Variants in EXOC4 observed in about 807,000 individuals in gnomAD.
EXOC4 encodes the protein SEC8-like 1.
In EXOC4, 71 loss-of-function variants were observed where a neutral mutation model predicts 107.2. That is an observed-to-expected ratio of 0.66 (90% CI 0.55 to 0.81). The LOEUF (loss-of-function observed/expected upper bound fraction) is 0.81, where lower values mean the gene tolerates loss of function less well. Ranked by LOEUF, EXOC4 falls within the 30% of genes least tolerant of loss-of-function variation. The pLI is 0.00. For synonymous variants in EXOC4, 456 were observed against 441.2 expected, an observed-to-expected ratio of 1.03 and a Z score of -0.42; for missense variants, 1,108 against 1,189.6, an observed-to-expected ratio of 0.93 and a Z score of 1.01.
intron 14 of EXOC4, among the ~76,000 whole-genome samples, chr7:133,980,607 T>G (rs1793958437): frequency 6.6e-6 from 1 of 152,246 alleles, no homozygotes; most frequent in Non-Finnish European, 1.5e-5. Context: ...TGGTTCTTAG[T>G]TAATAGGAGA....
At chr7:133,349,467 A>G (rs999630420) in intron 5 of EXOC4, among the ~76,000 whole-genome samples, 3 of 152,174 alleles carry the variant, frequency 2.0e-5, no homozygotes, top group Non-Finnish European at 2.9e-5. Flanking sequence ...AGGTTCATCC[A>G]TGTTGTAGCA....
Position 133,485,029 on chromosome 7 carries a change from G to A in EXOC4, c.1417+4891G>A, listed in dbSNP as rs150580473. On this transcript the variant is annotated intron_variant, in intron 9 of 17. Transcript: ENST00000253861. ...TGGAAGGTGGAGGTTGCAGTGAGCC[G>A]AGATCGCGCCACTGTACTCCAACCT... Among the ~76,000 whole-genome samples the A allele has an allele frequency of 2.8e-3, 404 of 143,608 alleles. 1 individual carries two copies. Among genetic ancestry groups the A allele is most frequent in the Middle Eastern group, 0.015 (4 of 270 alleles). 94.2% of individuals were successfully genotyped at this position (143,608 alleles called of 152,430 possible).
chr7:133,493,304 G>A (rs965203382), intron 9 of EXOC4, among the ~76,000 whole-genome samples: 1 of 152,100 alleles, frequency 6.6e-6, no homozygotes, highest in Admixed American at 6.6e-5. Flanking sequence ...GGACATGGTG[G>A]CACACGCCTC....
chr7:134,046,780 T>C (rs1795664388), intron 17 of EXOC4, among the ~76,000 whole-genome samples: 2 of 152,106 alleles, frequency 1.3e-5, no homozygotes. Context: ...CTCCTCGCTT[T>C]TGTCCCCAGC....
intron 9 of EXOC4, among the ~76,000 whole-genome samples, chr7:133,590,594 AAGCAACCATATGTCGGGGAGAAGC>A (rs1801518501): frequency 6.6e-6 from 1 of 152,134 alleles, no homozygotes; most frequent in Non-Finnish European, 1.5e-5. Flanking sequence ...AGAAGAGAAG[AAGCAACCATATGTCGGGGAGAAGC>A]AGCTTGACTT....
intron 10 of EXOC4, among the ~76,000 whole-genome samples, chr7:133,698,840 AT>A (rs1208115768): frequency 2.6e-5 from 4 of 152,178 alleles, no homozygotes; most frequent in African/African-American, 9.6e-5. Flanking sequence ...TTATTTGTGT[AT>A]GATGTGTGTC....
intron 11 of EXOC4, among the ~76,000 whole-genome samples, chr7:133,825,670 T>A (rs916473872): frequency 6.6e-6 from 1 of 152,206 alleles, no homozygotes; most frequent in Non-Finnish European, 1.5e-5. Context: ...CACATTATGT[T>A]CATATGAAGA....
intron 14 of EXOC4, among the ~76,000 whole-genome samples, chr7:133,943,274 T>C (rs1415862762): frequency 1.3e-5 from 2 of 152,182 alleles, no homozygotes; most frequent in Admixed American, 6.5e-5. Context: ...TATCAAAACA[T>C]GGTGAACTAC....
intron 17 of EXOC4, among the ~76,000 whole-genome samples, chr7:134,018,098 ATAGT>A (rs1310848766): frequency 1.3e-5 from 2 of 152,148 alleles, no homozygotes; most frequent in Non-Finnish European, 2.9e-5. Flanking sequence ...TGTATTCATC[ATAGT>A]TAGTTAATTA....
intron 7 of EXOC4, among the ~76,000 whole-genome samples, chr7:133,465,607 A>G (rs1264632652): frequency 6.6e-6 from 1 of 152,236 alleles, no homozygotes; most frequent in Non-Finnish European, 1.5e-5. Context: ...AAGGTCATAT[A>G]GAATATTCTC....
intron 10 of EXOC4, among the ~76,000 whole-genome samples, chr7:133,741,036 T>C (rs548211028): frequency 1.3e-5 from 2 of 152,350 alleles, no homozygotes; most frequent in South Asian, 4.1e-4. Flanking sequence ...GGGTAAATAC[T>C]GGAGCTAGAA....
intron 17 of EXOC4, among the ~76,000 whole-genome samples, chr7:134,031,414 T>C (rs1795268623): frequency 6.6e-6 from 1 of 152,106 alleles, no homozygotes; most frequent in Non-Finnish European, 1.5e-5. Flanking sequence ...TTTTTATGGG[T>C]TATGGAAAGA....
At chr7:133,781,865 A>C (rs533774579) in intron 10 of EXOC4, among the ~76,000 whole-genome samples, 8 of 152,228 alleles carry the variant, frequency 5.3e-5, no homozygotes, top group African/African-American at 7.2e-5. Context: ...CCAGCTGTGA[A>C]ACACAAATAA....
At chr7:133,547,118 A>G (rs1409573823) in intron 9 of EXOC4, among the ~76,000 whole-genome samples, 5 of 152,226 alleles carry the variant, frequency 3.3e-5, no homozygotes, top group Admixed American at 3.3e-4. Flanking sequence ...TGTTGGAGGT[A>G]TTCCAGGTTC....
the EXOC4 span, among the ~76,000 whole-genome samples, chr7:134,094,022 CAA>C: frequency 2.0e-5 from 3 of 151,980 alleles, no homozygotes; most frequent in East Asian, 1.9e-4. Flanking sequence ...ACTAGAAAAA[CAA>C]GAGCAAATGA....
At chr7:133,845,800 A>C (rs1307676207) in intron 11 of EXOC4, among the ~76,000 whole-genome samples, 1 of 152,198 alleles carries the variant, frequency 6.6e-6, no homozygotes. Context: ...TCATGCCATG[A>C]ACACAAGTCA....
In EXOC4 at chr7:133,280,575, T is replaced by C. The variant is rs150564912; in HGVS notation, c.276+5404T>C. ...GATGTGCACACAAACACTTAACATT[T>C]CATCCCAATTTTGACCACCCTATTG... On this transcript the variant is annotated intron_variant, in intron 2 of 17. Coordinates refer to ENST00000253861, the MANE Select transcript of EXOC4 (RefSeq NM_021807.4). Among the ~76,000 whole-genome samples the C allele has an allele frequency of 9.5e-4, 144 of 152,342 alleles. 1 individual carries two copies. In the East Asian group the frequency reaches 0.027, roughly 28 times the overall value.
At chr7:134,098,457 A>G in the EXOC4 span, among the ~76,000 whole-genome samples, 1 of 152,258 alleles carries the variant, frequency 6.6e-6, no homozygotes, top group Admixed American at 6.5e-5. Flanking sequence ...GCTATTTCCT[A>G]ATCAAAACTG....
chr7:133,848,281 C>T (rs1427711621), intron 11 of EXOC4, among the ~76,000 whole-genome samples: 1 of 152,054 alleles, frequency 6.6e-6, no homozygotes, highest in Non-Finnish European at 1.5e-5. Context: ...AGGAGGATGC[C>T]CCCAGGGTCT....
Sources: allele counts gnomAD v4.1 joint callset (sites outside exome capture counted in the v4.1 genomes callset), GRCh38; gene constraint gnomAD v4.1.1; transcripts MANE v1.5; gene names NCBI Gene and HGNC (gene_info 2026-07-23, HGNC 2026-07-21).